PKD1L3: variants seen among roughly 807,000 people sequenced by gnomAD.
PKD1L3 encodes the protein polycystin-1-like protein 3.
PKD1L3 carries 239 observed loss-of-function variants against 184.1 expected under a neutral mutation model. The ratio of observed to expected loss-of-function variants is 1.30; its 90% confidence interval spans 1.17 to 1.45. The LOEUF (loss-of-function observed/expected upper bound fraction) is 1.45. Among genes scored for constraint, PKD1L3 ranks in the 40% most tolerant of loss-of-function variants. PKD1L3 has a pLI of 0.00. For synonymous variants in PKD1L3, 996 were observed against 778.8 expected (o/e 1.28, Z -4.64); for missense variants, 2,660 against 2,067.2 (o/e 1.29, Z -5.56).
In PKD1L3 at chr16:71,942,885, G is replaced by A. The variant is rs1489422597; in HGVS notation, c.3999C>T (p.Pro1333=). The change falls in exon 24 of 30, where the codon CCC becomes CCT. Residue 1333 remains proline (P), a synonymous_variant. Coordinates refer to ENST00000620267, the MANE Select transcript of PKD1L3 (RefSeq NM_181536.2). ...TAGGAAGAAGGATATGATTGGCCCAGGGGTAGAAATCCTGAAGAAGTTTGA... is the reference window on the plus strand; with the variant it reads ...TAGGAAGAAGGATATGATTGGCCCAAGGGTAGAAATCCTGAAGAAGTTTGA... ...SEIKLLQDFY[P]WANHILLPSL... is the part of the protein sequence containing the mutation. 9.7e-6 allele frequency: 15 copies of A among 1,551,504 alleles called. No homozygotes were observed. The South Asian group carries it at 1.4e-4, about 15-fold the overall frequency.
intron 16 of PKD1L3, among the ~76,000 whole-genome samples, chr16:71,955,229 G>A (rs547764936): frequency 4.1e-4 from 63 of 152,054 alleles, no homozygotes; most frequent in Non-Finnish European, 7.4e-4. Context: ...AACCAGTCAC[G>A]GGTGGTGTTT....
rs2039970302 is a variant in PKD1L3 at position 71,977,398 on chromosome 16, T to A, written c.1597A>T (p.Thr533Ser). 6.4e-7 allele frequency: 1 copy of A among 1,551,454 alleles called. No individual in the cohort carries two copies. The highest frequency in any genetic ancestry group is 2.0e-5 in the Admixed American group (1 of 50,978). ...AAGGAAGTGACGTTCACTGTGATTG[T>A]AAGCTGATGTGTGCTCATGTTGAGG... is the stretch of plus-strand genomic sequence containing the variant. ...TSLNMSTHQL[T>S]ITVNVTSLEK... Residue 533 changes from threonine (T) to serine (S), a missense_variant, in exon 11 of 30, where the codon ACA becomes TCA. By Grantham distance (58) the Thr-to-Ser change is moderately conservative (BLOSUM62 1). Transcript: ENST00000620267.
intron 16 of PKD1L3, among the ~76,000 whole-genome samples, chr16:71,960,155 G>A (rs1046293990): frequency 8.0e-5 from 12 of 150,336 alleles, no homozygotes; most frequent in Admixed American, 4.7e-4. Flanking sequence ...CAAACCAAGA[G>A]GCAGAGAACC....
intron 5 of PKD1L3, 106 bp downstream of exon 5, chr16:71,986,115 G>A: frequency 7.2e-7 from 1 of 1,396,004 alleles, no homozygotes; most frequent in Non-Finnish European, 9.7e-7. Flanking sequence ...ATATACGCTG[G>A]TCTGTCAGGC....
chr16:71,929,686 T>C lies in PKD1L3; in HGVS notation c.5059-8A>G, dbSNP rs747213738. ...TATTAGTGCAGCTTCTTTCTGAGTATTGAAGACAAAAAGAGAAAAGTGAGA... is the reference window on the plus strand; with the variant it reads ...TATTAGTGCAGCTTCTTTCTGAGTACTGAAGACAAAAAGAGAAAAGTGAGA... On this transcript the variant is annotated splice_region_variant and splice_polypyrimidine_tract_variant and intron_variant, in intron 29 of 29. Coordinates refer to ENST00000620267, the MANE Select transcript of PKD1L3 (RefSeq NM_181536.2). 7.9e-6 allele frequency: 12 copies of C among 1,527,978 alleles called. No homozygotes were observed. In the East Asian group the frequency reaches 1.2e-4, roughly 16 times the overall value. 94.7% of individuals were successfully genotyped at this position (1,527,978 alleles called of 1,614,324 possible).
At chr16:71,965,460 G>C (rs1354251164) in intron 15 of PKD1L3, among the ~76,000 whole-genome samples, 2 of 151,902 alleles carry the variant, frequency 1.3e-5, no homozygotes, top group Admixed American at 6.6e-5. Context: ...CTGGCAAGCT[G>C]TTCTCTGAAG....
In PKD1L3 at chr16:71,940,791, T is replaced by C. The variant is rs189076668; in HGVS notation, c.4324+1769A>G. Among the ~76,000 whole-genome samples, 388 of 150,552 alleles carry C rather than the reference T, an allele frequency of 2.6e-3. 1 individual carries two copies. The highest frequency in any genetic ancestry group is 4.0e-3 in the Non-Finnish European group (274 of 67,702). On this transcript the variant is annotated intron_variant, in intron 24 of 29. Coordinates refer to ENST00000620267, the MANE Select transcript of PKD1L3 (RefSeq NM_181536.2). ...CTGGGATTACAGGTGTGAGCTACCA[T>C]GCCCAGCCAGGCACAGAGCTTATAA...
At chr16:71,958,112 G>A (rs1278823518) in intron 16 of PKD1L3, among the ~76,000 whole-genome samples, 1 of 151,956 alleles carries the variant, frequency 6.6e-6, no homozygotes, top group Admixed American at 6.5e-5. Context: ...ACACGGCCGG[G>A]CGCGGTGGCT....
chr16:71,989,759 T>A, intron 4 of PKD1L3, among the ~76,000 whole-genome samples: 1 of 152,196 alleles, frequency 6.6e-6, no homozygotes, highest in East Asian at 1.9e-4. Flanking sequence ...TACATCAGCA[T>A]GAAAGCCAGA....
chr16:71,998,117 T>C (rs764845698), intron 2 of PKD1L3, among the ~76,000 whole-genome samples, 155 bp downstream of exon 2: 20 of 152,216 alleles, frequency 1.3e-4, no homozygotes, highest in Non-Finnish European at 2.5e-4. Flanking sequence ...CAGATAATTT[T>C]CTCATGCTAA....
At chr16:71,968,917 G>C (rs1487785995) in intron 13 of PKD1L3, among the ~76,000 whole-genome samples, 3 of 144,652 alleles carry the variant, frequency 2.1e-5, no homozygotes. Flanking sequence ...GTTACAATTT[G>C]ATTTACATAT....
intron 2 of PKD1L3, among the ~76,000 whole-genome samples, chr16:71,995,069 CAG>C (rs2040736966): frequency 6.6e-6 from 1 of 152,128 alleles, no homozygotes; most frequent in Non-Finnish European, 1.5e-5. Context: ...CTACCACAAA[CAG>C]GGTAATTTAT....
At chr16:71,982,964 TA>T (rs914523625) in intron 6 of PKD1L3, among the ~76,000 whole-genome samples, 79 of 151,688 alleles carry the variant, frequency 5.2e-4, no homozygotes, top group Non-Finnish European at 7.7e-4. Flanking sequence ...ATGCATTTTA[TA>T]AAAAAAAAGT....
chr16:71,935,417 G>T lies in PKD1L3; in HGVS notation c.4554C>A (p.Asp1518Glu), dbSNP rs1471408839. ...ILISFILLGL[D>E]MKSISLHKKN... The stretch of plus-strand genomic sequence containing the variant: ...TCTTATGTAGAGAAATACTCTTCAT[G>T]TCAAGCCCCAGGAGGATGAAGCTAA... The change falls in exon 26 of 30, where the codon GAC becomes GAA. Residue 1518 changes from aspartate (D) to glutamate (E), a missense_variant. Asp to Glu is a conservative substitution (Grantham distance 45). Coordinates refer to ENST00000620267, the MANE Select transcript of PKD1L3 (RefSeq NM_181536.2). 6.4e-7 allele frequency: 1 copy of T among 1,551,796 alleles called. No homozygotes were observed. The highest frequency in any genetic ancestry group is 1.4e-5 in the African/African-American group (1 of 73,038).
rs1383665802 is a variant in PKD1L3 at position 71,949,967 on chromosome 16, A to G, written c.3434T>C (p.Ile1145Thr). Residue 1145 changes from isoleucine to threonine, a missense_variant, in exon 21 of 30, where the codon ATC becomes ACC. Physicochemically the swap from Ile to Thr is moderately conservative, Grantham distance 89 (BLOSUM62 -1). Coordinates refer to ENST00000620267, the MANE Select transcript of PKD1L3 (RefSeq NM_181536.2). ...ILSSEEGKKP[I>T]SNGLSKWLTS... Reference sequence around the variant, plus strand: ...CAACCATTTGGACAGGCCATTTGAGATGGGCTTTTTTCCTTCTTCTGAGCT... The same window carrying G: ...CAACCATTTGGACAGGCCATTTGAGGTGGGCTTTTTTCCTTCTTCTGAGCT... 10 of 1,551,488 alleles carry G rather than the reference A, an allele frequency of 6.4e-6. No individual in the cohort carries two copies. Among genetic ancestry groups the G allele is most frequent in the African/African-American group, 1.4e-5 (1 of 73,008 alleles).
intron 4 of PKD1L3, among the ~76,000 whole-genome samples, chr16:71,989,333 AG>A (rs1419381938): frequency 6.6e-6 from 1 of 152,168 alleles, no homozygotes; most frequent in Non-Finnish European, 1.5e-5. Context: ...TTATACTTTT[AG>A]TAGAGACGAG....
At position 71,949,819 on chromosome 16, in the gene PKD1L3, T is replaced by G; in HGVS notation, c.3582A>C (p.Ser1194=). ...ATSWMISIIL[S]VLQNIFISQP... ...GGCTGATGAAGATGTTCTGAAGCAC[T>G]GATAAAATAATTGAAATCATCCAGC... The change falls in exon 21 of 30, where the codon TCA becomes TCC. Residue 1194 remains serine, a synonymous_variant. Transcript: ENST00000620267. The G allele has an allele frequency of 6.4e-7, 1 of 1,551,312 alleles. No homozygotes were observed. The highest frequency in any genetic ancestry group is 2.4e-5 in the East Asian group (1 of 40,920).
At chr16:71,981,689 T>G (rs2040164830) in intron 7 of PKD1L3, among the ~76,000 whole-genome samples, 1 of 151,752 alleles carries the variant, frequency 6.6e-6, no homozygotes, top group Admixed American at 6.6e-5. Context: ...TACAGGCATG[T>G]ACCACAATGC....
rs2040864411 is a variant in PKD1L3, at chr16:71,998,418, G to A, written c.296-24C>T. 4 of 1,537,092 alleles carry A rather than the reference G, an allele frequency of 2.6e-6. 1 individual carries two copies. The South Asian group carries it at 3.7e-5, about 14-fold the overall frequency. The stretch of plus-strand genomic sequence containing the variant: ...TGCTGAGGGGAGATCAGACGCAGAT[G>A]AGCCTCATACTCGAAAGCCAGGCTT... On this transcript the variant is annotated intron_variant, in intron 1 of 29. Coordinates refer to ENST00000620267, the MANE Select transcript of PKD1L3 (RefSeq NM_181536.2).
Sources: gnomAD v4.1 joint callset for allele counts (sites outside exome capture counted in the v4.1 genomes callset) on GRCh38, gnomAD v4.1.1 for gene constraint, MANE v1.5 for transcripts, NCBI Gene and HGNC (gene_info 2026-07-23, HGNC 2026-07-21) for gene names.